The following CDH8 variants were observed in gnomAD, a reference collection of about 807,000 sequenced individuals.
CDH8 encodes the protein cadherin 8, also known as cadherin-8.
Under a neutral mutation model 68.1 loss-of-function variants are expected in CDH8, and 17 were observed. That is an observed-to-expected ratio of 0.25 (90% confidence interval 0.17 to 0.37). The LOEUF (loss-of-function observed/expected upper bound fraction) is 0.37. Ranked by LOEUF, CDH8 falls within the 10% of genes least tolerant of loss-of-function variation. The pLI, the probability that CDH8 is intolerant of heterozygous loss-of-function variation, is 1.00. For synonymous variants in CDH8, 372 were observed against 365.1 expected, an observed-to-expected ratio of 1.02 and a Z score of -0.21; for missense variants, 763 against 999.3, an observed-to-expected ratio of 0.76 and a Z score of 3.19.
intron 3 of CDH8, among the ~76,000 whole-genome samples, chr16:61,881,233 G>C (rs1963572108): frequency 6.6e-6 from 1 of 152,156 alleles, no homozygotes; most frequent in Non-Finnish European, 1.5e-5. Context: ...TTGCTACACA[G>C]CAATAAACAA....
chr16:61,941,435 C>T (rs1744455488), intron 2 of CDH8, among the ~76,000 whole-genome samples: 1 of 152,150 alleles, frequency 6.6e-6, no homozygotes, highest in Admixed American at 6.5e-5. Flanking sequence ...TATCACTCTC[C>T]TGTTCTTTTT....
intron 2 of CDH8, among the ~76,000 whole-genome samples, chr16:61,924,224 G>A: frequency 6.6e-6 from 1 of 152,090 alleles, no homozygotes; most frequent in Non-Finnish European, 1.5e-5. Flanking sequence ...GTTTCCATTA[G>A]GGAATAATCA....
intron 4 of CDH8, among the ~76,000 whole-genome samples, chr16:61,846,618 G>A (rs1962811505): frequency 6.6e-6 from 1 of 152,018 alleles, no homozygotes; most frequent in Non-Finnish European, 1.5e-5. Context: ...ACCGAGCTCT[G>A]GAGTTTACTA....
At chr16:61,959,980 G>A (rs866284629) in intron 2 of CDH8, among the ~76,000 whole-genome samples, 1,105 of 37,236 alleles carry the variant, frequency 0.03, 46 homozygotes, top group African/African-American at 0.072. Flanking sequence ...ATGTGTGTGT[G>A]TGTGTATATA....
chr16:61,774,544 G>C (rs888076586), intron 8 of CDH8, among the ~76,000 whole-genome samples: 2 of 151,346 alleles, frequency 1.3e-5, no homozygotes, highest in Non-Finnish European at 2.9e-5. Flanking sequence ...ACAAACAGCT[G>C]TCTAGGGTAT....
chr16:61,770,860 G>C (rs938258924), intron 8 of CDH8, among the ~76,000 whole-genome samples: 4 of 151,986 alleles, frequency 2.6e-5, no homozygotes, highest in African/African-American at 4.8e-5. Flanking sequence ...TGTGTCTGAA[G>C]TGCCTAGGAT....
rs78231835 is a variant in CDH8, at chr16:61,754,116, A to C, written c.1415-26901T>G. On this transcript the variant is annotated intron_variant, in intron 8 of 11. Transcript: ENST00000577390. ...TTCTTAGGAAAACTTCCAGGTTCTCAAAGATAAAATCCTTTCTAACGTCCT... is the reference window on the plus strand; with the variant it reads ...TTCTTAGGAAAACTTCCAGGTTCTCCAAGATAAAATCCTTTCTAACGTCCT... Among the ~76,000 whole-genome samples the C allele has an allele frequency of 0.022, 3,367 of 152,268 alleles. 252 individuals are homozygous for C. The East Asian group carries it at 0.23, about 10-fold the overall frequency.
At chr16:61,934,215 T>C (rs1964591546) in intron 2 of CDH8, 1 of 152,130 alleles carries the variant, frequency 6.6e-6, no homozygotes, top group South Asian at 2.1e-4. Flanking sequence ...ACGAGGCTGC[T>C]TGGGAAAGGT....
intron 1 of CDH8, among the ~76,000 whole-genome samples, chr16:62,033,309 T>C (rs1342884168): frequency 6.6e-6 from 1 of 152,204 alleles, no homozygotes; most frequent in East Asian, 1.9e-4. Context: ...CAAATAAAGT[T>C]GTTTTCCAGT....
chr16:61,757,800 C>A (rs1348896574), intron 8 of CDH8, among the ~76,000 whole-genome samples: 1 of 152,106 alleles, frequency 6.6e-6, no homozygotes, highest in East Asian at 1.9e-4. Flanking sequence ...TCAAAGCTGC[C>A]CCAGTTTATA....
At chr16:61,712,042 T>C (rs1199820531) in intron 10 of CDH8, among the ~76,000 whole-genome samples, 2 of 151,764 alleles carry the variant, frequency 1.3e-5, no homozygotes, top group Admixed American at 6.6e-5. Flanking sequence ...GATCATAATT[T>C]TAACTTCTAT....
At chr16:61,723,864 A>G (rs1164694024) in intron 9 of CDH8, among the ~76,000 whole-genome samples, 1 of 150,686 alleles carries the variant, frequency 6.6e-6, no homozygotes, top group Non-Finnish European at 1.5e-5. Context: ...ACTGGGAGCC[A>G]AATAATCTGC....
At chr16:61,974,664 G>A (rs934502088) in intron 2 of CDH8, among the ~76,000 whole-genome samples, 2 of 152,042 alleles carry the variant, frequency 1.3e-5, no homozygotes, top group South Asian at 2.1e-4. Context: ...TATAGAAACC[G>A]CATCACAGCG....
chr16:61,903,897 T>G (rs1964022180), intron 2 of CDH8, among the ~76,000 whole-genome samples: 1 of 151,918 alleles, frequency 6.6e-6, no homozygotes, highest in African/African-American at 2.4e-5. Flanking sequence ...CCAATGTAAG[T>G]GAAAGTAAAT....
At chr16:61,858,414 G>C (rs1324419208) in intron 3 of CDH8, among the ~76,000 whole-genome samples, 2 of 152,206 alleles carry the variant, frequency 1.3e-5, no homozygotes, top group African/African-American at 4.8e-5. Context: ...AATTGAAAAA[G>C]TCTGGTGTGG....
intron 2 of CDH8, among the ~76,000 whole-genome samples, chr16:62,009,275 AG>A (rs1261396063): frequency 6.6e-6 from 1 of 152,174 alleles, no homozygotes; most frequent in African/African-American, 2.4e-5. Context: ...ACTGCTCAGG[AG>A]AAAGTCACCA....
intron 2 of CDH8, among the ~76,000 whole-genome samples, chr16:61,961,974 A>G (rs1195694715): frequency 6.6e-6 from 1 of 152,186 alleles, no homozygotes; most frequent in Non-Finnish European, 1.5e-5. Flanking sequence ...TAAATAGTTG[A>G]TTATCACATA....
At chr16:61,660,207 T>TTA (rs1383410517) in intron 10 of CDH8, among the ~76,000 whole-genome samples, 3 of 152,152 alleles carry the variant, frequency 2.0e-5, no homozygotes, top group Middle Eastern at 3.4e-3. Flanking sequence ...CTATATTATC[T>TTA]AAAATGCCTA....
At chr16:61,941,052 T>G (rs1295907979) in intron 2 of CDH8, among the ~76,000 whole-genome samples, 2 of 152,224 alleles carry the variant, frequency 1.3e-5, no homozygotes, top group Non-Finnish European at 2.9e-5. Flanking sequence ...CTCAATCAAG[T>G]TGAACTTGAC....
Sources: allele counts gnomAD v4.1 joint callset (sites outside exome capture counted in the v4.1 genomes callset), GRCh38; gene constraint gnomAD v4.1.1; transcripts MANE v1.5; gene names NCBI Gene and HGNC (gene_info 2026-07-23, HGNC 2026-07-21).